SLC1A3: variants seen among roughly 807,000 people sequenced by gnomAD.
SLC1A3 encodes solute carrier family 1 member 3.
A neutral mutation model predicts 48.1 loss-of-function variants in SLC1A3; 21 were observed. The observed-to-expected ratio is 0.44, with a 90% CI of 0.31 to 0.63. SLC1A3 has a LOEUF of 0.63. SLC1A3 is among the 20% of genes least tolerant of loss of function. The pLI, the probability that SLC1A3 is intolerant of heterozygous loss-of-function variation, is 0.08. For missense variants in SLC1A3, 546 were observed against 689.0 expected, an observed-to-expected ratio of 0.79 and a Z score of 2.32; for synonymous variants, 239 against 251.4, an observed-to-expected ratio of 0.95 and a Z score of 0.47.
In SLC1A3 at chr5:36,647,919, T is replaced by C. The variant is rs114205717; in HGVS notation, c.319+18332T>C. Among the ~76,000 whole-genome samples the C allele has an allele frequency of 4.8e-3, 730 of 152,344 alleles. 6 individuals are homozygous for C. Among genetic ancestry groups the C allele is most frequent in the African/African-American group, 0.016 (683 of 41,580 alleles). On this transcript the variant is annotated intron_variant, in intron 3 of 9. Coordinates refer to ENST00000265113, the MANE Select transcript of SLC1A3 (RefSeq NM_004172.5). The stretch of plus-strand genomic sequence containing the variant: ...TCTTGTTTGTTTGTTTGTTTATTGT[T>C]TTTAATTTATTCCAATATTTATTGG...
At chr5:36,625,725 C>T (rs761777229) in intron 2 of SLC1A3, among the ~76,000 whole-genome samples, 8 of 152,168 alleles carry the variant, frequency 5.3e-5, no homozygotes, top group Non-Finnish European at 4.4e-5. Flanking sequence ...AAACTTTTGA[C>T]CTAAAACTAT....
intron 2 of SLC1A3, among the ~76,000 whole-genome samples, chr5:36,624,667 T>C (rs552394088): frequency 6.6e-6 from 1 of 152,364 alleles, no homozygotes; most frequent in South Asian, 2.1e-4. Flanking sequence ...ACACACGTCT[T>C]CATTAAATTC....
Position 36,608,471 on chromosome 5 carries a change from G to C in SLC1A3, c.48G>C (p.Glu16Asp), listed in dbSNP as rs1168358927. 1 of 1,614,076 alleles carries C rather than the reference G, an allele frequency of 6.2e-7. No individual in the cohort carries two copies. The highest frequency in any genetic ancestry group is 1.7e-5 in the Admixed American group (1 of 60,024). Residue 16 changes from glutamate to aspartate, a missense_variant, in exon 2 of 10, where the codon GAG becomes GAC. Around this residue, in one of 3 missense-constraint regions of SLC1A3, gnomAD observed 348 missense variants for 392.0 expected, o/e 0.89. Transcript: ENST00000265113. ...GEEPKMGGRMERFQQGVRKRT... is the reference protein window; with the variant it reads ...GEEPKMGGRMDRFQQGVRKRT... ...AGCCCAAGATGGGGGGCAGGATGGA[G>C]AGATTCCAGCAGGGAGTCCGTAAAC...
chr5:36,686,287 C>G lies in SLC1A3; in HGVS notation c.*18C>G, dbSNP rs751843768. 3 of 1,561,926 alleles carry G rather than the reference C, an allele frequency of 1.9e-6. No homozygotes were observed. Among genetic ancestry groups the G allele is most frequent in the Admixed American group, 3.3e-5 (2 of 59,952 alleles). On this transcript the variant is annotated 3_prime_UTR_variant, in exon 10 of 10. Coordinates refer to ENST00000265113, the MANE Select transcript of SLC1A3 (RefSeq NM_004172.5). Reference sequence around the variant, plus strand: ...AGATGTAGACTAACATAAAGAAACACTTTCTTGAGCACCAGGTGTTAAAAA... The same window carrying G: ...AGATGTAGACTAACATAAAGAAACAGTTTCTTGAGCACCAGGTGTTAAAAA...
Position 36,641,603 on chromosome 5 carries a change from A to G in SLC1A3, c.319+12016A>G, listed in dbSNP as rs1377907215. Among the ~76,000 whole-genome samples, 5 of 152,340 alleles carry G rather than the reference A, an allele frequency of 3.3e-5. No homozygotes were observed. In the South Asian group the frequency reaches 1.0e-3, roughly 32 times the overall value. ...AAGTGGAAACATTAGTAGCTTTTATACTGGAATCTTGCCATTTCTTTTTCA... is the reference window on the plus strand; with the variant it reads ...AAGTGGAAACATTAGTAGCTTTTATGCTGGAATCTTGCCATTTCTTTTTCA... On this transcript the variant is annotated intron_variant, in intron 3 of 9. Transcript: ENST00000265113.
chr5:36,658,606 GT>G (rs1392836721), intron 3 of SLC1A3, among the ~76,000 whole-genome samples: 1 of 151,942 alleles, frequency 6.6e-6, no homozygotes, highest in South Asian at 2.1e-4. Flanking sequence ...TTTCTAAGCA[GT>G]TTTTTTTGTT....
chr5:36,602,472 C>T (rs778766112), upstream of SLC1A3, among the ~76,000 whole-genome samples: 29 of 152,166 alleles, frequency 1.9e-4, no homozygotes, highest in Non-Finnish European at 3.2e-4. Context: ...ATAATCTTTT[C>T]CAGCTAAACG....
At chr5:36,612,339 A>G (rs910572149) in intron 2 of SLC1A3, among the ~76,000 whole-genome samples, 1 of 152,314 alleles carries the variant, frequency 6.6e-6, no homozygotes, top group Non-Finnish European at 1.5e-5. Context: ...AAATTGCACT[A>G]AAATTCAGTG....
intron 3 of SLC1A3, among the ~76,000 whole-genome samples, chr5:36,634,795 C>G (rs895902015): frequency 4.6e-5 from 7 of 152,188 alleles, no homozygotes; most frequent in African/African-American, 1.7e-4. Context: ...ATGTGGGACT[C>G]AATGACTGTT....
At chr5:36,670,475 G>C (rs1741943298) in intron 3 of SLC1A3, among the ~76,000 whole-genome samples, 2 of 152,134 alleles carry the variant, frequency 1.3e-5, no homozygotes, top group African/African-American at 2.4e-5. Context: ...CAGGTGATCA[G>C]AATAATAGCT....
intron 3 of SLC1A3, chr5:36,670,779 T>A (rs1404205059): frequency 1.8e-6 from 1 of 556,824 alleles, no homozygotes; most frequent in Non-Finnish European, 3.2e-6. Flanking sequence ...TTTGGCCATG[T>A]GAAATCAACT....
intron 2 of SLC1A3, chr5:36,608,855 A>T: frequency 8.9e-6 from 11 of 1,236,878 alleles, no homozygotes; most frequent in Non-Finnish European, 1.1e-5. Flanking sequence ...AATAAATAAA[A>T]TATTTTCCCA....
intron 2 of SLC1A3, among the ~76,000 whole-genome samples, chr5:36,628,120 A>G (rs1398840713): frequency 6.6e-6 from 1 of 152,202 alleles, no homozygotes; most frequent in Non-Finnish European, 1.5e-5. Context: ...TATTACTGTT[A>G]CATTGGAAAA....
upstream of SLC1A3, among the ~76,000 whole-genome samples, chr5:36,601,912 G>T (rs995423039): frequency 2.0e-5 from 3 of 152,092 alleles, no homozygotes; most frequent in African/African-American, 7.2e-5. Flanking sequence ...TATTGGTGCA[G>T]CAACTCTTTT....
At chr5:36,624,399 A>C (rs1032040306) in intron 2 of SLC1A3, among the ~76,000 whole-genome samples, 3 of 152,204 alleles carry the variant, frequency 2.0e-5, no homozygotes, top group African/African-American at 7.2e-5. Flanking sequence ...TGTGGGTATC[A>C]GGTCCACCTC....
chr5:36,654,553 C>T (rs188644585), intron 3 of SLC1A3, among the ~76,000 whole-genome samples: 83 of 152,240 alleles, frequency 5.5e-4, no homozygotes, highest in South Asian at 3.1e-3. Context: ...CTGTGGATGC[C>T]GATACACTTC....
Position 36,635,008 on chromosome 5 carries a change from A to G in SLC1A3, c.319+5421A>G, listed in dbSNP as rs1019240457. ...GAAGGGTTTGTCAAGGGCTTGCAAAATGAGTCGAAATCACTTAAGAGAAAT... is the reference window on the plus strand; with the variant it reads ...GAAGGGTTTGTCAAGGGCTTGCAAAGTGAGTCGAAATCACTTAAGAGAAAT... On this transcript the variant is annotated intron_variant, in intron 3 of 9. Coordinates refer to ENST00000265113, the MANE Select transcript of SLC1A3 (RefSeq NM_004172.5). 7.9e-5 allele frequency among the ~76,000 whole-genome samples: 12 copies of G among 152,302 alleles called. 1 individual carries two copies. Among genetic ancestry groups the G allele is most frequent in the African/African-American group, 2.9e-4 (12 of 41,560 alleles).
rs538969449 is a variant in SLC1A3, at chr5:36,642,895, C to T, written c.319+13308C>T. Among the ~76,000 whole-genome samples the T allele has an allele frequency of 5.3e-5, 8 of 152,182 alleles. 1 individual carries two copies. Among genetic ancestry groups the T allele is most frequent in the South Asian group, 2.1e-4 (1 of 4,822 alleles). Reference sequence around the variant, plus strand: ...CATGGTGTTGTATATATCAGTACTTCGTTCCTTTTTATAGCTGAATAATAA... The same window carrying T: ...CATGGTGTTGTATATATCAGTACTTTGTTCCTTTTTATAGCTGAATAATAA... On this transcript the variant is annotated intron_variant, in intron 3 of 9. Coordinates refer to ENST00000265113, the MANE Select transcript of SLC1A3 (RefSeq NM_004172.5).
At chr5:36,626,618 TA>T (rs1236488220) in intron 2 of SLC1A3, among the ~76,000 whole-genome samples, 2 of 152,246 alleles carry the variant, frequency 1.3e-5, no homozygotes, top group African/African-American at 4.8e-5. Flanking sequence ...TAAATCCATT[TA>T]AATGAAGATC....
Sources: gnomAD v4.1 joint callset for allele counts (sites outside exome capture counted in the v4.1 genomes callset) on GRCh38, gnomAD v4.1.1 for gene constraint, gnomAD v4.1.1 regional missense constraint, MANE v1.5 for transcripts, NCBI Gene and HGNC (gene_info 2026-07-23, HGNC 2026-07-21) for gene names.